Variants in FOXP2 observed in about 807,000 individuals in gnomAD.
FOXP2 encodes the protein forkhead box P2, also known as forkhead box protein P2.
In FOXP2, 12 loss-of-function variants were observed where a neutral mutation model predicts 115.8. The observed-to-expected ratio is 0.10, with a 90% CI of 0.07 to 0.17. The LOEUF (loss-of-function observed/expected upper bound fraction) is 0.17, where lower values mean the gene tolerates loss of function less well. FOXP2 is among the 10% of genes least tolerant of loss of function. The probability of loss-of-function intolerance (pLI) is 1.00; values close to 1 mark genes in which losing one functional copy is unlikely to be tolerated. For synonymous variants in FOXP2, 328 were observed against 297.7 expected, an observed-to-expected ratio of 1.10 and a Z score of -1.05; for missense variants, 629 against 843.5, an observed-to-expected ratio of 0.75 and a Z score of 3.15.
intron 2 of FOXP2, among the ~76,000 whole-genome samples, chr7:114,384,585 G>C (rs1191529733): frequency 6.6e-6 from 1 of 152,054 alleles, no homozygotes; most frequent in Admixed American, 6.5e-5. Flanking sequence ...GTTCCTCCTA[G>C]GTCTGGTCGG....
chr7:114,653,946 T>C lies in FOXP2; in HGVS notation c.1203T>C (p.Arg401=). Residue 401 remains arginine (R), a synonymous_variant, in exon 10 of 17, where the codon CGT becomes CGC. Transcript: ENST00000350908. ...LEIQLSKERE[R]LQAMMTHLHM... ...AACAGCTTTCTAAAGAACGCGAACG[T>C]CTTCAAGCAATGATGACCCACTTGC... 5.0e-6 allele frequency: 8 copies of C among 1,613,206 alleles called. No individual in the cohort carries two copies. The highest frequency in any genetic ancestry group is 6.8e-6 in the Non-Finnish European group (8 of 1,179,370).
chr7:114,582,770 T>C (rs897500550), intron 3 of FOXP2, among the ~76,000 whole-genome samples: 2 of 152,174 alleles, frequency 1.3e-5, no homozygotes, highest in Admixed American at 1.3e-4. Context: ...AAACAGATCA[T>C]GTAACAGGAG....
At chr7:114,543,052 G>A (rs1340368991) in intron 3 of FOXP2, among the ~76,000 whole-genome samples, 4 of 151,864 alleles carry the variant, frequency 2.6e-5, no homozygotes, top group Non-Finnish European at 5.9e-5. Context: ...AAAGCGCTGG[G>A]ATTATAGCAT....
At chr7:114,419,490 A>G (rs1793500942) in intron 1 of FOXP2, among the ~76,000 whole-genome samples, 1 of 151,922 alleles carries the variant, frequency 6.6e-6, no homozygotes, top group African/African-American at 2.4e-5. Context: ...ATGCCAGAGT[A>G]TAAATTACCC....
chr7:114,396,814 A>C (rs544245488), intron 2 of FOXP2, among the ~76,000 whole-genome samples: 1 of 152,220 alleles, frequency 6.6e-6, no homozygotes, highest in South Asian at 2.1e-4. Context: ...ATTCTTGAAA[A>C]ATGCTCAGAG....
intron 1 of FOXP2, among the ~76,000 whole-genome samples, chr7:114,101,865 A>T (rs150296868): frequency 1.3e-5 from 2 of 148,664 alleles, no homozygotes; most frequent in East Asian, 3.9e-4. Flanking sequence ...TTTTCTTATT[A>T]ATCATATTTG....
At chr7:114,455,328 TAA>T (rs1012284207) in intron 2 of FOXP2, among the ~76,000 whole-genome samples, 3 of 152,232 alleles carry the variant, frequency 2.0e-5, no homozygotes, top group African/African-American at 7.2e-5. Flanking sequence ...TCATAAATGC[TAA>T]GTCTTTTTCC....
chr7:114,202,465 C>A (rs1220877051), intron 1 of FOXP2, among the ~76,000 whole-genome samples: 1 of 152,192 alleles, frequency 6.6e-6, no homozygotes, highest in Non-Finnish European at 1.5e-5. Context: ...AACACTGCAT[C>A]TGAAATTTTG....
At chr7:114,616,841 G>A (rs550081495) in intron 3 of FOXP2, among the ~76,000 whole-genome samples, 8 of 152,268 alleles carry the variant, frequency 5.3e-5, no homozygotes, top group African/African-American at 1.4e-4. Flanking sequence ...TTGGCAGCTC[G>A]AGGCTGGAAG....
chr7:114,302,657 G>A (rs1481242192), intron 2 of FOXP2, among the ~76,000 whole-genome samples: 1 of 152,142 alleles, frequency 6.6e-6, no homozygotes, highest in Non-Finnish European at 1.5e-5. Flanking sequence ...CTTCCAATGA[G>A]TGAGGGCAGA....
rs114975086 is a variant in FOXP2 at position 114,339,487 on chromosome 7, T to G, written c.-11+51378T>G. Among the ~76,000 whole-genome samples, 970 of 151,156 alleles carry G rather than the reference T, an allele frequency of 6.4e-3. 8 individuals are homozygous for G. The highest frequency in any genetic ancestry group is 0.023 in the African/African-American group (938 of 41,438). Reference sequence around the variant, plus strand: ...GTAAATGATTGGTAGAAATTACCCTTTTTCTTTCGTATGTTTAGTTTTACT... The same window carrying G: ...GTAAATGATTGGTAGAAATTACCCTGTTTCTTTCGTATGTTTAGTTTTACT... On this transcript the variant is annotated intron_variant, in intron 2 of 17. Coordinates refer to the FOXP2 transcript ENST00000634411.
intron 1 of FOXP2, among the ~76,000 whole-genome samples, chr7:114,283,724 A>T (rs1796392141): frequency 6.6e-6 from 1 of 152,084 alleles, no homozygotes; most frequent in Non-Finnish European, 1.5e-5. Context: ...GCACTTTGGG[A>T]GGCTAATATG....
chr7:114,563,180 G>A (rs1280129655), intron 3 of FOXP2, among the ~76,000 whole-genome samples: 1 of 152,072 alleles, frequency 6.6e-6, no homozygotes, highest in African/African-American at 2.4e-5. Context: ...TGACACATGG[G>A]GATTAAGGGA....
intron 1 of FOXP2, among the ~76,000 whole-genome samples, chr7:114,251,524 GT>G (rs1344858889): frequency 6.6e-6 from 1 of 152,200 alleles, no homozygotes; most frequent in Admixed American, 6.5e-5. Context: ...TCCCTTGTAA[GT>G]TGGATTCCTG....
chr7:114,647,128 T>C (rs1198218060), intron 8 of FOXP2, among the ~76,000 whole-genome samples: 1 of 151,956 alleles, frequency 6.6e-6, no homozygotes, highest in Non-Finnish European at 1.5e-5. Flanking sequence ...GCTTCGACTT[T>C]AATTTGATAT....
chr7:114,646,442 TTAAA>T (rs962055670), intron 8 of FOXP2, among the ~76,000 whole-genome samples: 14 of 152,090 alleles, frequency 9.2e-5, no homozygotes, highest in African/African-American at 1.9e-4. Context: ...TCATTTTACC[TTAAA>T]TAGTCTTCTT....
chr7:114,169,377 T>C (rs1793075379), intron 1 of FOXP2, among the ~76,000 whole-genome samples: 2 of 152,086 alleles, frequency 1.3e-5, no homozygotes, highest in African/African-American at 4.8e-5. Flanking sequence ...AGACCTGGAG[T>C]TAAAGGAGAT....
intron 3 of FOXP2, 86 bp downstream of exon 3, chr7:114,534,792 C>T: frequency 2.0e-6 from 2 of 1,003,886 alleles, no homozygotes; most frequent in African/African-American, 1.6e-5. Flanking sequence ...TGTATATATA[C>T]AGGAAATTAT....
chr7:114,296,047 A>C (rs1796735322), intron 2 of FOXP2, among the ~76,000 whole-genome samples: 1 of 152,224 alleles, frequency 6.6e-6, no homozygotes, highest in Non-Finnish European at 1.5e-5. Flanking sequence ...CCCATAAAGA[A>C]AGCAAAGCAG....
Sources: gnomAD v4.1 joint callset for allele counts (sites outside exome capture counted in the v4.1 genomes callset) on GRCh38, gnomAD v4.1.1 for gene constraint, MANE v1.5 for transcripts, NCBI Gene and HGNC (gene_info 2026-07-23, HGNC 2026-07-21) for gene names.